GRIN1: variants seen among roughly 807,000 people sequenced by gnomAD.
The protein encoded by GRIN1 is glutamate receptor ionotropic, NMDA 1.
Under a neutral mutation model 103.0 loss-of-function variants are expected in GRIN1, and 38 were observed. The ratio of observed to expected loss-of-function variants is 0.37; its 90% CI spans 0.28 to 0.48. The LOEUF is 0.48. GRIN1 is among the 20% of genes least tolerant of loss of function. The probability of loss-of-function intolerance (pLI) is 0.98; values close to 1 mark genes in which losing one functional copy is unlikely to be tolerated. For synonymous variants in GRIN1, 544 were observed against 532.7 expected (o/e 1.02, Z -0.29); for missense variants, 577 against 1,288.9 (o/e 0.45, Z 8.46).
Position 137,168,178 on chromosome 9 carries a change from C to T in GRIN1, c.*651C>T, listed in dbSNP as rs199616363. On this transcript the variant is annotated 3_prime_UTR_variant, in exon 20 of 20. Transcript: ENST00000371561. ...GAGCAGAGACGGCAGCCCCATCCTT[C>T]CCGCAGCACCAGCCTGAGCCACAGT... 4.7e-6 allele frequency: 2 copies of T among 428,606 alleles called. No homozygotes were observed. Among genetic ancestry groups the T allele is most frequent in the Non-Finnish European group, 8.5e-6 (2 of 235,190 alleles). 26.6% of individuals were successfully genotyped at this position (428,606 alleles called of 1,614,324 possible).
At chr9:137,160,974 G>C in intron 8 of GRIN1, 82 bp from the exon 9 acceptor site, 2 of 1,578,750 alleles carry the variant, frequency 1.3e-6, no homozygotes, top group Non-Finnish European at 1.7e-6. Context: ...GGGCGCCAGG[G>C]GAGGCTGGGA....
chr9:137,164,402 T>C (rs917546492), intron 18 of GRIN1: 3 of 221,836 alleles, frequency 1.4e-5, no homozygotes, highest in Non-Finnish European at 2.7e-5. Flanking sequence ...CCATGAGAAT[T>C]TGCCACCAGC....
At chr9:137,154,432 C>CTTTTT (rs543160973) in intron 4 of GRIN1, among the ~76,000 whole-genome samples, 8 of 43,010 alleles carry the variant, frequency 1.9e-4, no homozygotes, top group Admixed American at 3.5e-4. Context: ...GCTCCAACAA[C>CTTTTT]TTTTTTTTTT....
intron 3 of GRIN1, among the ~76,000 whole-genome samples, chr9:137,147,485 C>T (rs542434977): frequency 5.1e-4 from 78 of 152,154 alleles, no homozygotes; most frequent in African/African-American, 1.7e-3. Flanking sequence ...CACACAAGCA[C>T]GCACACACGC....
At chr9:137,144,304 T>A (rs1832336194) in intron 2 of GRIN1, among the ~76,000 whole-genome samples, 2 of 151,266 alleles carry the variant, frequency 1.3e-5, no homozygotes, top group African/African-American at 4.9e-5. Flanking sequence ...CTAAAAAGTG[T>A]CCCCAGGATG....
intron 19 of GRIN1, among the ~76,000 whole-genome samples, chr9:137,165,896 G>A (rs977374027): frequency 2.6e-5 from 4 of 152,206 alleles, no homozygotes; most frequent in African/African-American, 4.8e-5. Context: ...TGGGCCGGGG[G>A]CTGGGGGCCG....
rs552845199 is a variant in GRIN1, at chr9:137,153,261, C to A, written c.672-3408C>A. ...ACCACGTGTACACACATGCACCATG[C>A]ATACACCATACACATGTGCACAAAT... On this transcript the variant is annotated intron_variant, in intron 4 of 19. Transcript: ENST00000371561. Among the ~76,000 whole-genome samples the A allele has an allele frequency of 1.8e-4, 27 of 150,244 alleles. No homozygotes were observed. In the South Asian group the frequency reaches 5.7e-3, roughly 32 times the overall value.
intron 1 of GRIN1, among the ~76,000 whole-genome samples, chr9:137,141,522 G>C (rs1043109937): frequency 6.6e-5 from 10 of 152,206 alleles, no homozygotes; most frequent in Admixed American, 1.3e-4. Context: ...CAGCAAAAGG[G>C]ATCTCGGCCT....
chr9:137,158,324 G>A, intron 6 of GRIN1, 55 bp from the exon 7 acceptor site: 1 of 1,587,510 alleles, frequency 6.3e-7, no homozygotes, highest in Non-Finnish European at 8.6e-7. Flanking sequence ...AAGGAGCAGG[G>A]AGGAGCAGGA....
intron 2 of GRIN1, 41 bp from the exon 3 acceptor site, chr9:137,145,675 GGCGGGTCCCC>G: frequency 1.3e-6 from 2 of 1,511,930 alleles, no homozygotes; most frequent in East Asian, 2.3e-5. Flanking sequence ...CGGGTGGGAG[GGCGGGTCCCC>G]GCGGGTCCAC....
chr9:137,140,698 C>T (rs543028127), intron 1 of GRIN1, among the ~76,000 whole-genome samples: 16 of 152,362 alleles, frequency 1.1e-4, no homozygotes, highest in African/African-American at 3.4e-4. Flanking sequence ...CGCATGTACA[C>T]GAACAGACAT....
chr9:137,161,918 T>A lies in GRIN1; in HGVS notation c.1468-6T>A, dbSNP rs756031099. 6.4e-7 allele frequency: 1 copy of A among 1,554,768 alleles called. No individual in the cohort carries two copies. Among genetic ancestry groups the A allele is most frequent in the Non-Finnish European group, 8.7e-7 (1 of 1,149,846 alleles). On this transcript the variant is annotated splice_polypyrimidine_tract_variant and splice_region_variant and intron_variant, in intron 10 of 19. Coordinates refer to ENST00000371561, the MANE Select transcript of GRIN1 (RefSeq NM_007327.4). ...CTGCATGCCCGCCGGCTCTGTCGCC[T>A]CGCAGGTGAACAACAGCAACAAGAA...
intron 8 of GRIN1, among the ~76,000 whole-genome samples, chr9:137,160,819 C>G (rs984307709): frequency 2.0e-5 from 3 of 148,714 alleles, no homozygotes; most frequent in Non-Finnish European, 4.6e-5. Context: ...CCAGCCCCCA[C>G]CCCCCCGGGG....
In GRIN1 at chr9:137,146,213, C is replaced by T. The variant is rs889507896; in HGVS notation, c.570+311C>T. Among the ~76,000 whole-genome samples, 1 of 152,080 alleles carries T rather than the reference C, an allele frequency of 6.6e-6. No homozygotes were observed. Among genetic ancestry groups the T allele is most frequent in the African/African-American group, 2.4e-5 (1 of 41,412 alleles). ...GCCCATGCCCCTCGCTCCCTGGAGG[C>T]CCCAGCCGGGCTTGGGACTCGTCAC... On this transcript the variant is annotated intron_variant, in intron 3 of 19. Coordinates refer to ENST00000371561, the MANE Select transcript of GRIN1 (RefSeq NM_007327.4). The surrounding 1 kb of genome is among the most constrained non-coding windows in gnomAD (Gnocchi z 6.7).
At chr9:137,157,228 G>A (rs1221035968) in intron 6 of GRIN1, among the ~76,000 whole-genome samples, 191 bp downstream of exon 6, 2 of 151,382 alleles carry the variant, frequency 1.3e-5, no homozygotes, top group African/African-American at 4.9e-5. Flanking sequence ...GATGGGTGGG[G>A]GCACTCTCGG....
rs768859665 is a variant in GRIN1 at position 137,158,341 on chromosome 9, G to C, written c.969-38G>C. 4 of 1,609,482 alleles carry C rather than the reference G, an allele frequency of 2.5e-6. No homozygotes were observed. In the African/African-American group the frequency reaches 5.3e-5, roughly 22 times the overall value. Reference sequence around the variant, plus strand: ...GGAGCAGGGAGGAGCAGGAGAAGGAGCATCTCTGAGAAGCCTCAGCTATGC... The same window carrying C: ...GGAGCAGGGAGGAGCAGGAGAAGGACCATCTCTGAGAAGCCTCAGCTATGC... On this transcript the variant is annotated intron_variant, in intron 6 of 19. Transcript: ENST00000371561.
Position 137,163,750 on chromosome 9 carries a change from G to A in GRIN1, c.2444-9G>A. 6.2e-7 allele frequency: 1 copy of A among 1,613,744 alleles called. No homozygotes were observed. The highest frequency in any genetic ancestry group is 8.5e-7 in the Non-Finnish European group (1 of 1,180,016). ...GCCAGCAACTGAGGCTCTGGGTCCCGGCACACAGGGGTCTTCATGCTGGTA... is the reference window on the plus strand; with the variant it reads ...GCCAGCAACTGAGGCTCTGGGTCCCAGCACACAGGGGTCTTCATGCTGGTA... On this transcript the variant is annotated splice_polypyrimidine_tract_variant and intron_variant, in intron 17 of 19. Coordinates refer to ENST00000371561, the MANE Select transcript of GRIN1 (RefSeq NM_007327.4).
chr9:137,140,509 A>C (rs1317447370), intron 1 of GRIN1, among the ~76,000 whole-genome samples: 2 of 152,208 alleles, frequency 1.3e-5, no homozygotes, highest in Non-Finnish European at 2.9e-5. Context: ...TCACACTCAC[A>C]CCAAATGTTA....
chr9:137,159,475 C>T (rs904023408), intron 8 of GRIN1, among the ~76,000 whole-genome samples: 11 of 152,166 alleles, frequency 7.2e-5, no homozygotes, highest in African/African-American at 2.7e-4. Flanking sequence ...TGCTCTGCAC[C>T]GGCCCCTGTG....
Sources: gnomAD v4.1 joint callset for allele counts (sites outside exome capture counted in the v4.1 genomes callset) on GRCh38, gnomAD v4.1.1 for gene constraint, Gnocchi (gnomAD v3.1) non-coding constraint, MANE v1.5 for transcripts, NCBI Gene and HGNC (gene_info 2026-07-23, HGNC 2026-07-21) for gene names.